Variants in CCNI observed in about 807,000 individuals in gnomAD.
CCNI encodes cyclin I.
In CCNI, 14 loss-of-function variants were observed where a neutral mutation model predicts 34.1. The ratio of observed to expected loss-of-function variants is 0.41; its 90% confidence interval spans 0.27 to 0.64. CCNI has a LOEUF of 0.64. Ranked by LOEUF, CCNI falls within the 30% of genes least tolerant of loss-of-function variation. The probability of loss-of-function intolerance (pLI) is 0.31; values close to 1 mark genes in which losing one functional copy is unlikely to be tolerated. For synonymous variants in CCNI, 154 were observed against 158.4 expected (o/e 0.97, Z 0.21); for missense variants, 385 against 440.5 (o/e 0.87, Z 1.13).
chr4:77,075,431 C>T (rs1729845577), intron 1 of CCNI, 41 bp downstream of exon 1: 7 of 865,326 alleles, frequency 8.1e-6, no homozygotes, highest in Non-Finnish European at 9.7e-6. Context: ...ACGCCGGCCG[C>T]GGAGACGCGT....
In CCNI at chr4:77,048,474, G is replaced by A. The variant is rs1483033786; in HGVS notation, c.879C>T (p.Asn293=). 3.7e-6 allele frequency: 6 copies of A among 1,613,996 alleles called. No homozygotes were observed. The highest frequency in any genetic ancestry group is 5.1e-6 in the Non-Finnish European group (6 of 1,179,996). The change falls in exon 7 of 7, where the codon AAC becomes AAT. Residue 293 remains asparagine, a synonymous_variant. Transcript: ENST00000237654. ...CTCTGACTGGCACTTCTGGCTTGCTGTTGTCCTTGGAGAAGTCTGGGCCTG... is the reference window on the plus strand; with the variant it reads ...CTCTGACTGGCACTTCTGGCTTGCTATTGTCCTTGGAGAAGTCTGGGCCTG... ...SVPGPDFSKD[N]SKPEVPVRGT... is the part of the protein sequence containing the mutation.
chr4:77,053,711 T>C (rs903604775), intron 6 of CCNI, among the ~76,000 whole-genome samples: 2 of 152,186 alleles, frequency 1.3e-5, no homozygotes, highest in Non-Finnish European at 2.9e-5. Context: ...CCAATAAAAA[T>C]AATGTAATGT....
rs1483433398 is a variant in CCNI, at chr4:77,075,392, G to C, written c.-44+80C>G. 7 of 479,646 alleles carry C rather than the reference G, an allele frequency of 1.5e-5. No individual in the cohort carries two copies. In the African/African-American group the frequency reaches 1.5e-4, roughly 10 times the overall value. 29.7% of individuals were successfully genotyped at this position (479,646 alleles called of 1,614,324 possible). Reference sequence around the variant, plus strand: ...AAGGGCGCTGCCACGGGGGCGGCGCGGGGGGAGCAGCGGGGCCCCAGCGCG... The same window carrying C: ...AAGGGCGCTGCCACGGGGGCGGCGCCGGGGGAGCAGCGGGGCCCCAGCGCG... On this transcript the variant is annotated intron_variant, in intron 1 of 6. Coordinates refer to ENST00000237654, the MANE Select transcript of CCNI (RefSeq NM_006835.3).
Position 77,047,944 on chromosome 4 carries a change from A to G in CCNI, c.*275T>C. On this transcript the variant is annotated 3_prime_UTR_variant, in exon 7 of 7. Transcript: ENST00000237654. ...AAGCTACGTTACATTATGGCAGAAA[A>G]AAAGTGCAACTGACATACTACAAAG... is the stretch of plus-strand genomic sequence containing the variant. 3.5e-6 allele frequency: 1 copy of G among 283,920 alleles called. No homozygotes were observed. The highest frequency in any genetic ancestry group is 8.3e-5 in the South Asian group (1 of 12,056). The allele number at this position is 283,920 out of a possible 1,614,324, so 17.6% of individuals were successfully genotyped here.
intron 2 of CCNI, among the ~76,000 whole-genome samples, chr4:77,061,156 A>T (rs540149224): frequency 6.6e-6 from 1 of 152,348 alleles, no homozygotes; most frequent in South Asian, 2.1e-4. Context: ...TAATTTTTTT[A>T]AAATCCAAAA....
chr4:77,048,891 G>A (rs1213195098), intron 6 of CCNI, among the ~76,000 whole-genome samples: 1 of 148,914 alleles, frequency 6.7e-6, no homozygotes, highest in African/African-American at 2.5e-5. Context: ...TTTGGAACTT[G>A]AGTTTTGTAT....
At chr4:77,062,832 G>GT (rs1728703732) in intron 2 of CCNI, among the ~76,000 whole-genome samples, 1 of 152,128 alleles carries the variant, frequency 6.6e-6, no homozygotes, top group East Asian at 1.9e-4. Flanking sequence ...CCAAATTCAT[G>GT]TAACAAAATT....
At chr4:77,070,430 C>T (rs952733129) in intron 1 of CCNI, among the ~76,000 whole-genome samples, 4 of 151,460 alleles carry the variant, frequency 2.6e-5, no homozygotes, top group Admixed American at 1.3e-4. Flanking sequence ...GCCAGTTCTA[C>T]CCCTACCTGC....
Position 77,048,242 on chromosome 4 carries a change from AAGGTGGACAAGG to A in CCNI, c.1099_1110del (p.Pro367_Pro370del). On this transcript the variant is annotated inframe_deletion, in exon 7 of 7. Coordinates refer to ENST00000237654, the MANE Select transcript of CCNI (RefSeq NM_006835.3). ...AACTACATGACAGAAACAGGCTGCA[AAGGTGGACAAGG>A]GGAAGCATGTCCCTCTTGTCTTGAT... The A allele has an allele frequency of 6.2e-7, 1 of 1,613,920 alleles. No homozygotes were observed. The highest frequency in any genetic ancestry group is 8.5e-7 in the Non-Finnish European group (1 of 1,179,858).
At chr4:77,058,468 C>T in intron 3 of CCNI, 39 bp downstream of exon 3, 2 of 1,554,542 alleles carry the variant, frequency 1.3e-6, no homozygotes, top group Non-Finnish European at 1.8e-6. Context: ...TACATACACT[C>T]AAATGAGGTT....
intron 2 of CCNI, among the ~76,000 whole-genome samples, chr4:77,064,392 G>A (rs1728860382): frequency 6.6e-6 from 1 of 152,098 alleles, no homozygotes; most frequent in South Asian, 2.1e-4. Flanking sequence ...AGGAGGAAAG[G>A]AATGGTCCTA....
intron 1 of CCNI, among the ~76,000 whole-genome samples, chr4:77,068,804 T>C (rs1474199235): frequency 6.7e-6 from 1 of 148,360 alleles, no homozygotes; most frequent in Non-Finnish European, 1.5e-5. Context: ...TTCCACATTC[T>C]ATCCCAACTC....
At chr4:77,062,741 T>C (rs374269927) in intron 2 of CCNI, among the ~76,000 whole-genome samples, 3 of 152,308 alleles carry the variant, frequency 2.0e-5, no homozygotes, top group African/African-American at 7.2e-5. Flanking sequence ...GGTTTTATCT[T>C]TGTAAATCAA....
chr4:77,059,373 G>A (rs1002680789), intron 2 of CCNI, among the ~76,000 whole-genome samples: 8 of 147,836 alleles, frequency 5.4e-5, no homozygotes, highest in South Asian at 2.2e-4. Context: ...GTTTATTTTG[G>A]GAACATTCAG....
intron 2 of CCNI, among the ~76,000 whole-genome samples, chr4:77,061,667 T>C (rs4252852): frequency 0.02 from 3,116 of 152,054 alleles, 110 homozygotes; most frequent in African/African-American, 0.071. Context: ...TCTTTGTTGT[T>C]GTTGTTTTTG....
rs948019394 is a variant in CCNI at position 77,048,440 on chromosome 4, C to T, written c.913G>A (p.Ala305Thr). 6.2e-7 allele frequency: 1 copy of T among 1,614,006 alleles called. No individual in the cohort carries two copies. Among genetic ancestry groups the T allele is most frequent in the Non-Finnish European group, 8.5e-7 (1 of 1,180,028 alleles). Residue 305 changes from alanine to threonine, a missense_variant, in exon 7 of 7, where the codon GCC becomes ACC. Around this residue, in one of 2 missense-constraint regions of CCNI, gnomAD observed 250 missense variants for 248.7 expected, o/e 1.01. Coordinates refer to ENST00000237654, the MANE Select transcript of CCNI (RefSeq NM_006835.3). Reference sequence around the variant, plus strand: ...GCAGCTGGGAGATGATGGTAAAAGGCTGCTGTACCTCTGACTGGCACTTCT... The same window carrying T: ...GCAGCTGGGAGATGATGGTAAAAGGTTGCTGTACCTCTGACTGGCACTTCT... ...KPEVPVRGTA[A>T]FYHHLPAASG...
At chr4:77,057,540 A>T (rs1276471537) in intron 3 of CCNI, among the ~76,000 whole-genome samples, 1 of 152,204 alleles carries the variant, frequency 6.6e-6, no homozygotes, top group African/African-American at 2.4e-5. Flanking sequence ...CAGTTTACAT[A>T]TTCTTTTGCA....
At chr4:77,059,860 C>T (rs2109814002) in intron 2 of CCNI, among the ~76,000 whole-genome samples, 1 of 152,200 alleles carries the variant, frequency 6.6e-6, no homozygotes, top group East Asian at 1.9e-4. Context: ...AAATTAAATT[C>T]CTATCAAGAT....
chr4:77,066,622 G>C (rs1012314832), intron 1 of CCNI, among the ~76,000 whole-genome samples: 33 of 152,226 alleles, frequency 2.2e-4, no homozygotes, highest in African/African-American at 6.7e-4. Context: ...ATAAAAACAA[G>C]GCCATGTAAT....
Sources: gnomAD v4.1 joint callset for allele counts (sites outside exome capture counted in the v4.1 genomes callset) on GRCh38, gnomAD v4.1.1 for gene constraint, gnomAD v4.1.1 regional missense constraint, MANE v1.5 for transcripts, NCBI Gene and HGNC (gene_info 2026-07-23, HGNC 2026-07-21) for gene names.